The following HECW2 variants were observed in gnomAD, a reference collection of about 807,000 sequenced individuals.
HECW2 encodes HECT, C2 and WW domain containing E3 ubiquitin protein ligase 2.
Under a neutral mutation model 175.2 loss-of-function variants are expected in HECW2, and 61 were observed. That is an observed-to-expected ratio of 0.35 (90% CI 0.28 to 0.43). The LOEUF is 0.43. HECW2 is among the 20% of genes least tolerant of loss of function. The pLI is 1.00. For synonymous variants in HECW2, 671 were observed against 731.0 expected (o/e 0.92, Z 1.32); for missense variants, 1,524 against 2,000.5 (o/e 0.76, Z 4.54).
chr2:196,528,918 A>G (rs967294279), intron 1 of HECW2, among the ~76,000 whole-genome samples: 18 of 152,186 alleles, frequency 1.2e-4, no homozygotes, highest in African/African-American at 3.9e-4. Flanking sequence ...TGCTCCAAAA[A>G]CCGTTAAATG....
intron 28 of HECW2, among the ~76,000 whole-genome samples, chr2:196,215,583 A>G (rs977647100): frequency 1.3e-5 from 2 of 152,250 alleles, no homozygotes; most frequent in Admixed American, 6.5e-5. Context: ...AGCCACAATC[A>G]TAAGCCACAA....
At chr2:196,492,484 T>A (rs2125389625) in intron 1 of HECW2, among the ~76,000 whole-genome samples, 1 of 152,272 alleles carries the variant, frequency 6.6e-6, no homozygotes. Flanking sequence ...AAAATTCACA[T>A]AGTCCATAAA....
intron 1 of HECW2, among the ~76,000 whole-genome samples, chr2:196,481,864 C>T (rs898441384): frequency 4.6e-5 from 7 of 152,140 alleles, no homozygotes; most frequent in African/African-American, 1.7e-4. Flanking sequence ...GATGAGACAC[C>T]TTAAGAGACT....
intron 1 of HECW2, among the ~76,000 whole-genome samples, chr2:196,564,185 A>G (rs144378397): frequency 2.8e-4 from 42 of 152,328 alleles, no homozygotes; most frequent in Non-Finnish European, 4.0e-4. Context: ...TCCAGAATAT[A>G]GAACATCCTA....
At chr2:196,460,486 CTTTT>C (rs3082153) in intron 1 of HECW2, among the ~76,000 whole-genome samples, 22,274 of 142,954 alleles carry the variant, frequency 0.16, 1,670 homozygotes, top group Middle Eastern at 0.22. Context: ...CCGATTAAAC[CTTTT>C]TTTTTTTTTT....
intron 28 of HECW2, among the ~76,000 whole-genome samples, chr2:196,202,558 A>G (rs1382642032): frequency 6.6e-6 from 1 of 152,188 alleles, no homozygotes; most frequent in East Asian, 1.9e-4. Context: ...TGCTTAATAG[A>G]ATGACTGGCT....
At chr2:196,474,643 G>A (rs2125359090) in intron 1 of HECW2, among the ~76,000 whole-genome samples, 1 of 152,244 alleles carries the variant, frequency 6.6e-6, no homozygotes, top group African/African-American at 2.4e-5. Flanking sequence ...CTCTATATGT[G>A]CAAAGCTTAT....
intron 1 of HECW2, among the ~76,000 whole-genome samples, chr2:196,561,977 C>T (rs1256271941): frequency 2.6e-5 from 4 of 152,142 alleles, no homozygotes; most frequent in African/African-American, 9.7e-5. Flanking sequence ...TAAGTTATGC[C>T]AAACACGTTA....
Position 196,433,134 on chromosome 2 carries a change from A to G in HECW2, c.290T>C (p.Ile97Thr). Reference protein sequence around the residue: ...DPSDWIGLYHIDENSPANFWD... With the variant: ...DPSDWIGLYHTDENSPANFWD... ...CAAGTCCATTCCACTTGACTCACCT[A>G]TATGATAAAGTCCAATCCAATCACT... The change falls in exon 2 of 29, where the codon ATA (isoleucine) becomes ACA (threonine). Residue 97 changes from isoleucine (I) to threonine (T), a missense_variant and splice_region_variant. Around this residue, in one of 11 missense-constraint regions of HECW2, gnomAD observed 135 missense variants for 214.6 expected, o/e 0.63. Coordinates refer to ENST00000644978, the MANE Select transcript of HECW2 (RefSeq NM_001348768.2). 6.2e-7 allele frequency: 1 copy of G among 1,607,166 alleles called. No homozygotes were observed. Among genetic ancestry groups the G allele is most frequent in the African/African-American group, 1.3e-5 (1 of 74,920 alleles).
chr2:196,215,527 A>C (rs1687446510), intron 28 of HECW2, among the ~76,000 whole-genome samples: 2 of 152,220 alleles, frequency 1.3e-5, no homozygotes, highest in Admixed American at 6.5e-5. Flanking sequence ...AGGGATTCTA[A>C]ATAGTTATAA....
intron 21 of HECW2, among the ~76,000 whole-genome samples, chr2:196,235,988 TC>T (rs1688240376): frequency 6.6e-6 from 1 of 152,152 alleles, no homozygotes; most frequent in Admixed American, 6.5e-5. Flanking sequence ...AACTCCCTTT[TC>T]TTTATGCTTT....
intron 1 of HECW2, among the ~76,000 whole-genome samples, chr2:196,557,821 TG>T (rs1689859804): frequency 3.3e-5 from 5 of 152,204 alleles, no homozygotes; most frequent in African/African-American, 1.2e-4. Context: ...TGTACTAAAA[TG>T]TCAGTATCTG....
At chr2:196,366,129 T>C (rs1305864342) in intron 2 of HECW2, among the ~76,000 whole-genome samples, 3 of 152,288 alleles carry the variant, frequency 2.0e-5, no homozygotes, top group East Asian at 1.9e-4. Flanking sequence ...ATGAGGAAAC[T>C]GAGCTCAGAG....
chr2:196,349,538 TGC>T lies in HECW2; in HGVS notation c.293-5776_293-5775del, dbSNP rs1491212794. On this transcript the variant is annotated intron_variant, in intron 2 of 28. Transcript: ENST00000644978. ...AGTGAAACGTGTGTGTGTGTGTGTG[TGC>T]GCGCGCACACATGCGTACCTTGGCC... is the stretch of plus-strand genomic sequence containing the variant. Among the ~76,000 whole-genome samples, 1,410 of 150,528 alleles carry T rather than the reference TGC, an allele frequency of 9.4e-3. 14 individuals carry two copies. The highest frequency in any genetic ancestry group is 0.045 in the East Asian group (233 of 5,132).
At chr2:196,469,212 C>T (rs916282168) in intron 1 of HECW2, among the ~76,000 whole-genome samples, 22 of 151,644 alleles carry the variant, frequency 1.5e-4, no homozygotes, top group African/African-American at 4.1e-4. Context: ...GGAGCTGCCC[C>T]GCCTTAAATA....
intron 1 of HECW2, among the ~76,000 whole-genome samples, chr2:196,542,400 A>G (rs894477939): frequency 2.0e-4 from 30 of 152,316 alleles, no homozygotes; most frequent in African/African-American, 6.0e-4. Context: ...ACCGAATGAC[A>G]TGAAAAATAA....
intron 1 of HECW2, among the ~76,000 whole-genome samples, chr2:196,436,479 GCTC>G (rs1159295869): frequency 1.3e-5 from 2 of 151,312 alleles, no homozygotes; most frequent in African/African-American, 4.9e-5. Context: ...AAATAACTGT[GCTC>G]CTCCTAAGTG....
intron 1 of HECW2, among the ~76,000 whole-genome samples, chr2:196,527,957 A>G (rs1454058991): frequency 1.3e-5 from 2 of 152,256 alleles, no homozygotes; most frequent in Non-Finnish European, 2.9e-5. Flanking sequence ...TAAAAATACA[A>G]TGATAATGAT....
intron 2 of HECW2, among the ~76,000 whole-genome samples, chr2:196,347,999 A>C (rs1001564139): frequency 6.6e-6 from 1 of 152,256 alleles, no homozygotes; most frequent in Non-Finnish European, 1.5e-5. Flanking sequence ...AATCTCTACA[A>C]CTGCCACTGC....
Sources: gnomAD v4.1 joint callset for allele counts (sites outside exome capture counted in the v4.1 genomes callset) on GRCh38, gnomAD v4.1.1 for gene constraint, gnomAD v4.1.1 regional missense constraint, MANE v1.5 for transcripts, NCBI Gene and HGNC (gene_info 2026-07-23, HGNC 2026-07-21) for gene names.